ADD3: variants seen among roughly 807,000 people sequenced by gnomAD.
The protein encoded by ADD3 is adducin 3.
In ADD3, 25 loss-of-function variants were observed where a neutral mutation model predicts 80.2. The ratio of observed to expected loss-of-function variants is 0.31; its 90% CI spans 0.23 to 0.44. ADD3 has a LOEUF of 0.44. Among genes scored for constraint, ADD3 ranks in the 20% least tolerant of loss-of-function variants. The pLI is 1.00. For missense variants in ADD3, 829 were observed against 847.5 expected (o/e 0.98, Z 0.27); for synonymous variants, 284 against 289.6 (o/e 0.98, Z 0.20).
In ADD3 at chr10:110,133,381, A is replaced by G. The variant is rs969760954; in HGVS notation, c.1884A>G (p.Val628=). 2 of 1,609,554 alleles carry G rather than the reference A, an allele frequency of 1.2e-6. No homozygotes were observed. The highest frequency in any genetic ancestry group is 4.5e-5 in the East Asian group (2 of 44,770). The change falls in exon 15 of 15, where the codon GTA becomes GTG. Residue 628 remains valine (V), a synonymous_variant. Coordinates refer to ENST00000356080, the MANE Select transcript of ADD3 (RefSeq NM_016824.5). ...TCTCCATGGAAGTGCCTGTCATGGT[A>G]GTAAATGGCAAGGATGATATGCATG... The part of the protein sequence containing the change: ...SFISMEVPVM[V]VNGKDDMHDV...
intron 1 of ADD3, among the ~76,000 whole-genome samples, chr10:110,040,503 CATT>C (rs1306017550): frequency 1.3e-5 from 2 of 152,082 alleles, no homozygotes; most frequent in African/African-American, 4.8e-5. Context: ...TTTAAGTACT[CATT>C]ATTCCATTGC....
At chr10:110,051,892 TC>T (rs1337681855) in intron 1 of ADD3, among the ~76,000 whole-genome samples, 2 of 152,192 alleles carry the variant, frequency 1.3e-5, no homozygotes, top group Non-Finnish European at 2.9e-5. Flanking sequence ...AGCCTCAACC[TC>T]CTGGGTTCAA....
At chr10:110,104,210 T>G (rs1007191578) in intron 2 of ADD3, among the ~76,000 whole-genome samples, 1 of 152,168 alleles carries the variant, frequency 6.6e-6, no homozygotes, top group African/African-American at 2.4e-5. Context: ...GAGTCACTGG[T>G]CCAAAGCAAT....
intron 1 of ADD3, among the ~76,000 whole-genome samples, chr10:110,099,976 A>G (rs1848613246): frequency 1.3e-5 from 2 of 152,220 alleles, no homozygotes; most frequent in South Asian, 4.1e-4. Flanking sequence ...CATATGTGGT[A>G]TTAAAAGTAG....
intron 1 of ADD3, among the ~76,000 whole-genome samples, chr10:110,062,648 T>G (rs549159420): frequency 6.6e-6 from 1 of 152,256 alleles, no homozygotes; most frequent in South Asian, 2.1e-4. Context: ...CCCCCAAAAT[T>G]TTCAAAATGG....
chr10:110,094,109 C>A lies in ADD3; in HGVS notation c.-29-6516C>A, dbSNP rs75074101. 8.0e-3 allele frequency among the ~76,000 whole-genome samples: 1,221 copies of A among 152,234 alleles called. 17 individuals are homozygous for A. The highest frequency in any genetic ancestry group is 0.027 in the African/African-American group (1,123 of 41,554). On this transcript the variant is annotated intron_variant, in intron 1 of 14. Coordinates refer to ENST00000356080, the MANE Select transcript of ADD3 (RefSeq NM_016824.5). The stretch of plus-strand genomic sequence containing the variant: ...CATCTATTTTTCTGTGCATGCTAGG[C>A]AAACGGACCATTAAGTCTATTACAA...
At position 110,027,762 on chromosome 10, in the gene ADD3, A is replaced by G. The variant is rs12254771; in HGVS notation, c.-30+19463A>G. ...CTTTGTATGCTCCCTCTATAATTGA[A>G]AGGAAAATGAGACACTTCAGAGAGA... On this transcript the variant is annotated intron_variant, in intron 1 of 14. Coordinates refer to ENST00000356080, the MANE Select transcript of ADD3 (RefSeq NM_016824.5). Among the ~76,000 whole-genome samples, 714 of 152,308 alleles carry G rather than the reference A, an allele frequency of 4.7e-3. 11 individuals carry two copies. Among genetic ancestry groups the G allele is most frequent in the African/African-American group, 0.016 (660 of 41,564 alleles).
At position 110,130,397 on chromosome 10, in the gene ADD3, C is replaced by T. The variant is rs755210477; in HGVS notation, c.1643C>T (p.Pro548Leu). The T allele has an allele frequency of 6.2e-7, 1 of 1,614,000 alleles. No homozygotes were observed. Among genetic ancestry groups the T allele is most frequent in the South Asian group, 1.1e-5 (1 of 91,068 alleles). The change falls in exon 13 of 15, where the codon CCA becomes CTA. Residue 548 changes from proline to leucine, a missense_variant. Pro to Leu is a moderately conservative substitution (Grantham distance 98). Transcript: ENST00000356080. ...TTTGAAGATGATGATCATGGCCCAC[C>T]AGCTCCTCCTAACCCATTTAGTCAT... The part of the protein sequence containing the change: ...MQFEDDDHGP[P>L]APPNPFSHLT...
intron 1 of ADD3, among the ~76,000 whole-genome samples, chr10:110,029,572 G>C (rs1032956224): frequency 6.6e-6 from 1 of 152,196 alleles, no homozygotes; most frequent in African/African-American, 2.4e-5. Flanking sequence ...GGAGAGTTCT[G>C]AATAGATGAT....
chr10:110,026,784 T>G (rs536490514), intron 1 of ADD3, among the ~76,000 whole-genome samples: 212 of 152,228 alleles, frequency 1.4e-3, no homozygotes, highest in African/African-American at 5.0e-3. Flanking sequence ...TGATTTTTTT[T>G]TTTTTTAACT....
chr10:110,128,472 G>A (rs1216614959), intron 12 of ADD3, among the ~76,000 whole-genome samples: 1 of 151,980 alleles, frequency 6.6e-6, no homozygotes, highest in East Asian at 1.9e-4. Flanking sequence ...CTAGAGTGCA[G>A]TGGCGCGATC....
rs114547678 is a variant in ADD3, at chr10:110,077,944, T to C, written c.-29-22681T>C. Among the ~76,000 whole-genome samples the C allele has an allele frequency of 5.3e-3, 804 of 152,304 alleles. 9 individuals are homozygous for C. Among genetic ancestry groups the C allele is most frequent in the African/African-American group, 0.018 (733 of 41,546 alleles). On this transcript the variant is annotated intron_variant, in intron 1 of 14. Coordinates refer to ENST00000356080, the MANE Select transcript of ADD3 (RefSeq NM_016824.5). The stretch of plus-strand genomic sequence containing the variant: ...ATCTATACTCTCTGGTGTGTGGTCA[T>C]GTGTACACTTTGGGTAGACACTCAT...
At chr10:110,049,819 A>T (rs1207164752) in intron 1 of ADD3, among the ~76,000 whole-genome samples, 1 of 151,330 alleles carries the variant, frequency 6.6e-6, no homozygotes, top group Non-Finnish European at 1.5e-5. Context: ...CCCGGGAGGC[A>T]GAGCTTGCAG....
intron 12 of ADD3, 64 bp downstream of exon 12, chr10:110,126,567 A>G: frequency 8.6e-7 from 1 of 1,158,540 alleles, no homozygotes; most frequent in South Asian, 1.4e-5. Context: ...TTGATTTTTA[A>G]ATATGAATAT....
At chr10:110,003,558 G>T (rs962919836), upstream of ADD3, among the ~76,000 whole-genome samples, 6 of 152,194 alleles carry the variant, frequency 3.9e-5, no homozygotes, top group African/African-American at 1.4e-4. Context: ...GGTACAGCAC[G>T]TATTATAATC....
intron 1 of ADD3, among the ~76,000 whole-genome samples, chr10:110,058,154 CTTTGTACTTTGGGTT>C (rs371855650): frequency 6.7e-6 from 1 of 149,486 alleles, no homozygotes; most frequent in African/African-American, 2.4e-5. Context: ...TTTGCTTTTC[CTTTGTACTTTGGGTT>C]TTTGTGGTGT....
chr10:110,040,726 T>A (rs1428380549), intron 1 of ADD3, among the ~76,000 whole-genome samples: 1 of 152,154 alleles, frequency 6.6e-6, no homozygotes, highest in East Asian at 1.9e-4. Context: ...GTAAAGAGAT[T>A]ACTAAAGTAT....
At chr10:110,027,055 A>G (rs1196330541) in intron 1 of ADD3, among the ~76,000 whole-genome samples, 3 of 152,214 alleles carry the variant, frequency 2.0e-5, no homozygotes, top group Admixed American at 2.0e-4. Flanking sequence ...ATAATTCTTA[A>G]ACAGTAAAGA....
chr10:110,128,049 A>ATTTTTTTTTTTTT (rs71486096), intron 12 of ADD3, among the ~76,000 whole-genome samples: 1 of 106,014 alleles, frequency 9.4e-6, no homozygotes, highest in Non-Finnish European at 1.9e-5. Context: ...TTTGTTTAGG[A>ATTTTTTTTTTTTT]TTTTTTTTTT....
Sources: gnomAD v4.1 joint callset for allele counts (sites outside exome capture counted in the v4.1 genomes callset) on GRCh38, gnomAD v4.1.1 for gene constraint, MANE v1.5 for transcripts, NCBI Gene and HGNC (gene_info 2026-07-23, HGNC 2026-07-21) for gene names.